CEP85L: variants seen among roughly 807,000 people sequenced by gnomAD.
CEP85L encodes the protein centrosomal protein 85L, also known as centrosomal protein of 85 kDa-like.
Under a neutral mutation model 100.3 loss-of-function variants are expected in CEP85L, and 60 were observed. That is an observed-to-expected ratio of 0.60 (90% CI 0.49 to 0.74). The LOEUF is 0.74. CEP85L is among the 30% of genes least tolerant of loss of function. The pLI is 0.00. For synonymous variants in CEP85L, 319 were observed against 322.7 expected (o/e 0.99, Z 0.12); for missense variants, 973 against 936.2 (o/e 1.04, Z -0.51).
At chr6:118,604,077 C>T (rs2115187828) in intron 2 of CEP85L, among the ~76,000 whole-genome samples, 1 of 152,268 alleles carries the variant, frequency 6.6e-6, no homozygotes, top group South Asian at 2.1e-4. Context: ...GCAAACAAAA[C>T]ACCATTTTAC....
intron 3 of CEP85L, among the ~76,000 whole-genome samples, chr6:118,557,708 A>T (rs547642029): frequency 7.9e-5 from 12 of 152,342 alleles, no homozygotes; most frequent in African/African-American, 2.9e-4. Flanking sequence ...TTGAAAAATG[A>T]ATGAATGGAT....
chr6:118,501,431 A>G lies in CEP85L; in HGVS notation c.1258-9566T>C, dbSNP rs113638224. 37 of 380,962 alleles carry G rather than the reference A, an allele frequency of 9.7e-5. 3 individuals carry two copies. Among genetic ancestry groups the G allele is most frequent in the African/African-American group, 5.1e-4 (24 of 47,126 alleles). 23.6% of individuals were successfully genotyped at this position (380,962 alleles called of 1,614,324 possible). ...TGAGACCTAGCTGGGGCCTGAGAACATGAATCAACTGATGAGACAGCTGCA... is the reference window on the plus strand; with the variant it reads ...TGAGACCTAGCTGGGGCCTGAGAACGTGAATCAACTGATGAGACAGCTGCA... On this transcript the variant is annotated intron_variant, in intron 5 of 12. Coordinates refer to ENST00000368491, the MANE Select transcript of CEP85L (RefSeq NM_001042475.3).
At chr6:118,590,569 C>T (rs1162458607) in intron 2 of CEP85L, among the ~76,000 whole-genome samples, 1 of 152,114 alleles carries the variant, frequency 6.6e-6, no homozygotes, top group South Asian at 2.1e-4. Context: ...CTGGTCAAAC[C>T]AATCCCCTGG....
chr6:118,574,425 C>T (rs1448980044), intron 2 of CEP85L, among the ~76,000 whole-genome samples: 1 of 152,200 alleles, frequency 6.6e-6, no homozygotes, highest in Non-Finnish European at 1.5e-5. Flanking sequence ...GACGCAGGCA[C>T]CACCCTTCTG....
At chr6:118,608,824 T>C (rs974179549) in intron 2 of CEP85L, among the ~76,000 whole-genome samples, 1 of 152,230 alleles carries the variant, frequency 6.6e-6, no homozygotes, top group Non-Finnish European at 1.5e-5. Context: ...TAGGTTTTTG[T>C]TTTATTCTCT....
intron 5 of CEP85L, among the ~76,000 whole-genome samples, chr6:118,496,003 G>A (rs928111752): frequency 9.9e-5 from 15 of 152,202 alleles, no homozygotes; most frequent in African/African-American, 1.7e-4. Flanking sequence ...AATTATTCAA[G>A]TCTTTGAATG....
intron 5 of CEP85L, among the ~76,000 whole-genome samples, chr6:118,506,872 A>G (rs1043940056): frequency 6.6e-6 from 1 of 152,084 alleles, no homozygotes; most frequent in Non-Finnish European, 1.5e-5. Flanking sequence ...ATGGAAAAAC[A>G]CTTGCTTGCT....
intron 2 of CEP85L, among the ~76,000 whole-genome samples, chr6:118,570,198 T>C (rs1219735004): frequency 6.6e-5 from 10 of 152,188 alleles, no homozygotes; most frequent in African/African-American, 2.4e-4. Context: ...AGAAAAATAC[T>C]TCCACATTTT....
At chr6:118,514,196 C>G (rs1276979236) in intron 4 of CEP85L, among the ~76,000 whole-genome samples, 1 of 151,926 alleles carries the variant, frequency 6.6e-6, no homozygotes, top group African/African-American at 2.4e-5. Context: ...CAAGAGAAGG[C>G]AAAGGGGAAC....
At chr6:118,547,515 C>T (rs2114911131) in intron 3 of CEP85L, among the ~76,000 whole-genome samples, 1 of 152,086 alleles carries the variant, frequency 6.6e-6, no homozygotes, top group African/African-American at 2.4e-5. Flanking sequence ...CTTAATACTG[C>T]ATCAGTTTAT....
At chr6:118,572,411 A>C (rs1220528585) in intron 2 of CEP85L, among the ~76,000 whole-genome samples, 1 of 151,812 alleles carries the variant, frequency 6.6e-6, no homozygotes. Context: ...ACAAAAAACA[A>C]ACACAAAAAA....
chr6:118,499,360 ACC>A (rs979990278), intron 5 of CEP85L, among the ~76,000 whole-genome samples: 78 of 152,134 alleles, frequency 5.1e-4, no homozygotes, highest in African/African-American at 1.8e-3. Flanking sequence ...AAAATCTAAC[ACC>A]CATTCATGAT....
At chr6:118,631,002 A>G (rs1397566352) in intron 2 of CEP85L, among the ~76,000 whole-genome samples, 1 of 152,226 alleles carries the variant, frequency 6.6e-6, no homozygotes, top group Non-Finnish European at 1.5e-5. Context: ...TGGAAAAACT[A>G]TCTTCCACCA....
intron 2 of CEP85L, among the ~76,000 whole-genome samples, chr6:118,619,022 T>A (rs1243845915): frequency 1.3e-5 from 2 of 151,568 alleles, no homozygotes; most frequent in African/African-American, 4.9e-5. Flanking sequence ...TAAGCGTGGT[T>A]AAATCTGGTA....
chr6:118,565,379 T>G, intron 3 of CEP85L, 150 bp downstream of exon 3: 1 of 741,746 alleles, frequency 1.3e-6, no homozygotes, highest in Non-Finnish European at 2.2e-6. Flanking sequence ...TCAACAACAC[T>G]TTTCGGTTTG....
intron 1 of CEP85L, among the ~76,000 whole-genome samples, chr6:118,643,725 G>A (rs926442708): frequency 1.3e-5 from 2 of 152,182 alleles, no homozygotes; most frequent in Non-Finnish European, 1.5e-5. Context: ...TTCTGAGGTA[G>A]ATTCTCAGAT....
rs1192468270 is a variant in CEP85L at position 118,651,348 on chromosome 6, T to TG, written c.-80dup. 1 of 1,385,674 alleles carries TG rather than the reference T, an allele frequency of 7.2e-7. No individual in the cohort carries two copies. The highest frequency in any genetic ancestry group is 9.3e-7 in the Non-Finnish European group (1 of 1,070,680). 85.8% of individuals were successfully genotyped at this position (1,385,674 alleles called of 1,614,324 possible). A position where few individuals can be genotyped will look rare whatever the true frequency, so the allele number is the denominator to read the frequency against. On this transcript the variant is annotated 5_prime_UTR_variant, in exon 1 of 13. Transcript: ENST00000368491. The stretch of plus-strand genomic sequence containing the variant: ...TCCTGCTTCTTCGGCGGCGGAAACT[T>TG]GCGCGGAGCGTGGGCCTCGGCGACA...
intron 3 of CEP85L, among the ~76,000 whole-genome samples, chr6:118,532,982 T>G (rs564230265): frequency 1.5e-4 from 23 of 152,068 alleles, no homozygotes; most frequent in African/African-American, 5.5e-4. Flanking sequence ...ATATCAAAAT[T>G]TTAAGGAAGC....
chr6:118,569,277 G>A (rs1029951415), intron 2 of CEP85L, among the ~76,000 whole-genome samples: 3 of 147,346 alleles, frequency 2.0e-5, no homozygotes, highest in East Asian at 4.0e-4. Flanking sequence ...GTGAGGCGGA[G>A]GCTGCAGTAA....
Sources: allele counts gnomAD v4.1 joint callset (sites outside exome capture counted in the v4.1 genomes callset), GRCh38; gene constraint gnomAD v4.1.1; transcripts MANE v1.5; gene names NCBI Gene and HGNC (gene_info 2026-07-23, HGNC 2026-07-21).